HS2ST1: variants seen among roughly 807,000 people sequenced by gnomAD.
The protein encoded by HS2ST1 is 2-O-sulfotransferase.
A neutral mutation model predicts 42.9 loss-of-function variants in HS2ST1; 18 were observed. The observed-to-expected ratio is 0.42, with a 90% confidence interval of 0.29 to 0.62. The LOEUF (loss-of-function observed/expected upper bound fraction) is 0.62. Among genes scored for constraint, HS2ST1 ranks in the 20% least tolerant of loss-of-function variants. HS2ST1 has a pLI of 0.21. For missense variants in HS2ST1, 334 were observed against 433.8 expected, an observed-to-expected ratio of 0.77 and a Z score of 2.04; for synonymous variants, 146 against 152.9, an observed-to-expected ratio of 0.95 and a Z score of 0.33.
At chr1:87,042,234 CAG>C (rs1650542234) in intron 1 of HS2ST1, among the ~76,000 whole-genome samples, 1 of 152,084 alleles carries the variant, frequency 6.6e-6, no homozygotes, top group Non-Finnish European at 1.5e-5. Flanking sequence ...AACCCCTTAT[CAG>C]ATATGTGGTT....
chr1:87,049,766 A>C (rs376748401), intron 1 of HS2ST1, among the ~76,000 whole-genome samples: 1 of 152,058 alleles, frequency 6.6e-6, no homozygotes, highest in African/African-American at 2.4e-5. Context: ...CTAAATGCCA[A>C]TTGGCTAATT....
At chr1:87,016,297 A>T (rs1007276763) in intron 1 of HS2ST1, among the ~76,000 whole-genome samples, 1 of 152,212 alleles carries the variant, frequency 6.6e-6, no homozygotes. Flanking sequence ...TATCATCAGG[A>T]TATTTAACCT....
At chr1:86,999,185 C>CT (rs917689355) in intron 1 of HS2ST1, among the ~76,000 whole-genome samples, 78 of 148,484 alleles carry the variant, frequency 5.3e-4, no homozygotes, top group African/African-American at 1.1e-3. Context: ...TTTTCTTTTT[C>CT]TTTTTTTTTT....
At chr1:86,984,330 C>T (rs1648694180) in intron 1 of HS2ST1, among the ~76,000 whole-genome samples, 1 of 152,156 alleles carries the variant, frequency 6.6e-6, no homozygotes, top group South Asian at 2.1e-4. Context: ...TTACTAGCTA[C>T]ATAGTAATCT....
At chr1:86,997,825 G>A (rs991661655) in intron 1 of HS2ST1, among the ~76,000 whole-genome samples, 3 of 152,214 alleles carry the variant, frequency 2.0e-5, no homozygotes, top group East Asian at 1.9e-4. Context: ...GAGTGGGACA[G>A]GGTGGTGTAC....
rs368987899 is a variant in HS2ST1, at chr1:87,054,952, C to A, written c.125-17982C>A. Among the ~76,000 whole-genome samples, 42 of 152,250 alleles carry A rather than the reference C, an allele frequency of 2.8e-4. No individual in the cohort carries two copies. In the East Asian group the frequency reaches 8.1e-3, roughly 29 times the overall value. ...GATGTTTCCCTAATTAATACAGTGC[C>A]CCCTTTATATTACAAAGCCCTTCTT... On this transcript the variant is annotated intron_variant, in intron 1 of 6. Coordinates refer to ENST00000370550, the MANE Select transcript of HS2ST1 (RefSeq NM_012262.4).
chr1:87,069,062 CTCA>C (rs1465905332), intron 1 of HS2ST1, among the ~76,000 whole-genome samples: 1 of 152,134 alleles, frequency 6.6e-6, no homozygotes, highest in Non-Finnish European at 1.5e-5. Flanking sequence ...CATCTTCATC[CTCA>C]TCATCTTCAC....
intron 6 of HS2ST1, among the ~76,000 whole-genome samples, 178 bp from the exon 7 acceptor site, chr1:87,104,292 G>C (rs1054038408): frequency 2.6e-5 from 4 of 151,988 alleles, no homozygotes; most frequent in African/African-American, 9.7e-5. Context: ...CATTCTAAAG[G>C]ACTGAATCAT....
At chr1:86,971,580 T>C (rs966885118) in intron 1 of HS2ST1, among the ~76,000 whole-genome samples, 3 of 152,228 alleles carry the variant, frequency 2.0e-5, no homozygotes, top group Non-Finnish European at 2.9e-5. Flanking sequence ...ATAAAAGTGA[T>C]AGCTTCTTTA....
At chr1:86,995,488 AAGAG>A (rs1649071719) in intron 1 of HS2ST1, among the ~76,000 whole-genome samples, 1 of 152,192 alleles carries the variant, frequency 6.6e-6, no homozygotes, top group Admixed American at 6.5e-5. Context: ...CATGAAGAGT[AAGAG>A]AGAAAGGGGA....
chr1:87,085,336 C>T (rs1418920862), intron 3 of HS2ST1, among the ~76,000 whole-genome samples: 2 of 151,750 alleles, frequency 1.3e-5, no homozygotes, highest in African/African-American at 4.8e-5. Context: ...AAAGTGATAT[C>T]CCACTCTCAG....
chr1:86,981,548 T>C (rs1278364033), intron 1 of HS2ST1, among the ~76,000 whole-genome samples: 1 of 152,130 alleles, frequency 6.6e-6, no homozygotes, highest in Non-Finnish European at 1.5e-5. Flanking sequence ...CTTGGAGAAA[T>C]TGGCCAAAAC....
intron 1 of HS2ST1, among the ~76,000 whole-genome samples, chr1:86,985,551 T>TAC (rs1470534986): frequency 2.6e-5 from 1 of 37,780 alleles, no homozygotes. Flanking sequence ...CACACATATA[T>TAC]ATACACACAC....
chr1:87,045,105 T>C (rs1032057266), intron 1 of HS2ST1: 8 of 926,178 alleles, frequency 8.6e-6, no homozygotes, highest in Non-Finnish European at 1.4e-5. Flanking sequence ...ATCATCTTGC[T>C]CTTGAGCTGT....
intron 1 of HS2ST1, among the ~76,000 whole-genome samples, chr1:86,978,182 G>C (rs989450762): frequency 6.6e-6 from 1 of 152,108 alleles, no homozygotes. Flanking sequence ...TCTGATGTTC[G>C]CACAATGATG....
rs200304782 is a variant in HS2ST1, at chr1:87,104,525, C to T, written c.900C>T (p.Thr300=). Residue 300 remains threonine, a synonymous_variant, in exon 7 of 7, where the codon ACC becomes ACT. Transcript: ENST00000370550. The stretch of plus-strand genomic sequence containing the variant: ...AGAAGAAACTCCCCACTAAACAAAC[C>T]ATTGCAAAACTACAGCAATCTGATA... ...TTEKKLPTKQ[T]IAKLQQSDIW... 1.2e-6 allele frequency: 2 copies of T among 1,613,100 alleles called. No individual in the cohort carries two copies. Among genetic ancestry groups the T allele is most frequent in the Non-Finnish European group, 1.7e-6 (2 of 1,179,382 alleles).
chr1:87,044,075 G>A (rs984254992), intron 1 of HS2ST1, among the ~76,000 whole-genome samples: 1 of 152,056 alleles, frequency 6.6e-6, no homozygotes, highest in Non-Finnish European at 1.5e-5. Context: ...AGGGTCTGTG[G>A]TAGTAAATAC....
chr1:87,101,147 GTGTTTTTTGTTT>G (rs1652188694), intron 5 of HS2ST1, among the ~76,000 whole-genome samples: 1 of 75,892 alleles, frequency 1.3e-5, no homozygotes, highest in African/African-American at 4.9e-5. Flanking sequence ...GTGTGTGTGT[GTGTTTTTTGTTT>G]TTTTTTTTTT....
intron 5 of HS2ST1, among the ~76,000 whole-genome samples, chr1:87,102,257 C>T (rs1404732832): frequency 6.6e-6 from 1 of 152,050 alleles, no homozygotes; most frequent in Non-Finnish European, 1.5e-5. Context: ...GGGGTTTCTC[C>T]ATGTTGGTCG....
Sources: gnomAD v4.1 joint callset for allele counts (sites outside exome capture counted in the v4.1 genomes callset) on GRCh38, gnomAD v4.1.1 for gene constraint, MANE v1.5 for transcripts, NCBI Gene and HGNC (gene_info 2026-07-23, HGNC 2026-07-21) for gene names.